MIPOL1: variants seen among roughly 807,000 people sequenced by gnomAD.
MIPOL1 encodes mirror-image polydactyly gene 1 protein.
A neutral mutation model predicts 60.9 loss-of-function variants in MIPOL1; 57 were observed. The observed-to-expected ratio is 0.94, with a 90% CI of 0.76 to 1.17. The LOEUF is 1.17. MIPOL1 is among the 50% of genes most tolerant of loss of function. MIPOL1 has a pLI of 0.00. For missense variants in MIPOL1, 551 were observed against 511.6 expected (o/e 1.08, Z -0.74); for synonymous variants, 179 against 168.8 (o/e 1.06, Z -0.47).
chr14:37,492,740 T>G (rs180752196), intron 11 of MIPOL1, among the ~76,000 whole-genome samples: 82 of 151,688 alleles, frequency 5.4e-4, no homozygotes, highest in African/African-American at 1.9e-3. Context: ...CAACATCTCT[T>G]CATCTACACC....
intron 12 of MIPOL1, among the ~76,000 whole-genome samples, chr14:37,520,615 T>C (rs1341292768): frequency 6.6e-6 from 1 of 152,180 alleles, no homozygotes; most frequent in African/African-American, 2.4e-5. Flanking sequence ...CTCTTGAATC[T>C]CTTCAATGTA....
intron 11 of MIPOL1, among the ~76,000 whole-genome samples, chr14:37,440,092 C>T (rs2094218248): frequency 6.6e-6 from 1 of 152,152 alleles, no homozygotes; most frequent in Admixed American, 6.6e-5. Context: ...AGTGCTTCTC[C>T]CAGCTCAGCT....
At chr14:37,225,029 A>G (rs1400476475) in intron 1 of MIPOL1, among the ~76,000 whole-genome samples, 1 of 152,096 alleles carries the variant, frequency 6.6e-6, no homozygotes, top group African/African-American at 2.4e-5. Flanking sequence ...TTCCAGAATG[A>G]TCTCCTTTGA....
At chr14:37,484,144 A>C (rs1266127710) in intron 11 of MIPOL1, among the ~76,000 whole-genome samples, 1 of 152,022 alleles carries the variant, frequency 6.6e-6, no homozygotes, top group East Asian at 1.9e-4. Context: ...TAGTTTTTTG[A>C]AGTTTAATTG....
chr14:37,226,873 A>T (rs1375963155), intron 1 of MIPOL1, among the ~76,000 whole-genome samples: 1 of 152,182 alleles, frequency 6.6e-6, no homozygotes, highest in Non-Finnish European at 1.5e-5. Context: ...GGGTAGTGTG[A>T]GAAATACTCC....
intron 12 of MIPOL1, chr14:37,505,517 C>G (rs1033476188): frequency 6.6e-6 from 1 of 152,204 alleles, no homozygotes; most frequent in African/African-American, 2.4e-5. Flanking sequence ...ATGATTATCT[C>G]ATTAGATGCA....
intron 9 of MIPOL1, among the ~76,000 whole-genome samples, chr14:37,347,270 T>A (rs1355224554): frequency 6.6e-6 from 1 of 151,666 alleles, no homozygotes; most frequent in South Asian, 2.1e-4. Flanking sequence ...TGAATAGGCA[T>A]ATAAAAAAGG....
At chr14:37,300,343 A>G (rs1285405185) in intron 7 of MIPOL1, among the ~76,000 whole-genome samples, 3 of 142,590 alleles carry the variant, frequency 2.1e-5, no homozygotes, top group Non-Finnish European at 3.1e-5. Flanking sequence ...TTATTCAGCC[A>G]TTTGTGTCAG....
chr14:37,202,275 G>A (rs1965459711), intron 1 of MIPOL1, among the ~76,000 whole-genome samples: 1 of 151,954 alleles, frequency 6.6e-6, no homozygotes. Flanking sequence ...TTACTTGATT[G>A]TTATGCAGAT....
chr14:37,325,946 G>A (rs2089116554), intron 9 of MIPOL1, among the ~76,000 whole-genome samples: 3 of 152,256 alleles, frequency 2.0e-5, no homozygotes, highest in South Asian at 2.1e-4. Flanking sequence ...GTCCTCCCGC[G>A]AAAGCTTTTC....
chr14:37,521,608 G>T (rs987743817), intron 12 of MIPOL1, among the ~76,000 whole-genome samples: 1 of 151,862 alleles, frequency 6.6e-6, no homozygotes, highest in Non-Finnish European at 1.5e-5. Context: ...AAAAAATTAC[G>T]CTCTAAAACA....
chr14:37,404,075 A>G (rs2093542022), intron 10 of MIPOL1, among the ~76,000 whole-genome samples: 1 of 152,200 alleles, frequency 6.6e-6, no homozygotes, highest in African/African-American at 2.4e-5. Flanking sequence ...AAAAACATGT[A>G]ATTAATGGTA....
intron 10 of MIPOL1, among the ~76,000 whole-genome samples, chr14:37,410,675 A>T (rs946666394): frequency 2.0e-5 from 3 of 152,178 alleles, no homozygotes; most frequent in South Asian, 2.1e-4. Flanking sequence ...AATACATTTT[A>T]AAAATAGCAA....
intron 10 of MIPOL1, among the ~76,000 whole-genome samples, chr14:37,373,349 T>C (rs866270268): frequency 6.6e-6 from 1 of 152,180 alleles, no homozygotes; most frequent in Non-Finnish European, 1.5e-5. Flanking sequence ...GATGTAAATA[T>C]GTAGACATCA....
chr14:37,226,688 C>T (rs1333623597), intron 1 of MIPOL1, among the ~76,000 whole-genome samples: 1 of 152,068 alleles, frequency 6.6e-6, no homozygotes, highest in Non-Finnish European at 1.5e-5. Flanking sequence ...CCTTTAGTCC[C>T]AGTAACTCAG....
chr14:37,277,707 A>G (rs895511004), intron 6 of MIPOL1: 3 of 151,352 alleles, frequency 2.0e-5, no homozygotes, highest in African/African-American at 7.2e-5. Context: ...AAAATTTGAC[A>G]ATATATATTA....
chr14:37,444,601 C>A (rs1014529722), intron 11 of MIPOL1, among the ~76,000 whole-genome samples: 1 of 152,078 alleles, frequency 6.6e-6, no homozygotes, highest in Non-Finnish European at 1.5e-5. Context: ...TGGAGGAATA[C>A]CTGATTTCAA....
intron 11 of MIPOL1, among the ~76,000 whole-genome samples, chr14:37,440,570 TC>T (rs1303729667): frequency 6.6e-6 from 1 of 152,184 alleles, no homozygotes; most frequent in Non-Finnish European, 1.5e-5. Flanking sequence ...GATAATGACT[TC>T]CGGTTCCATT....
At chr14:37,311,427 G>A (rs571475010) in intron 9 of MIPOL1, among the ~76,000 whole-genome samples, 1 of 152,216 alleles carries the variant, frequency 6.6e-6, no homozygotes, top group South Asian at 2.1e-4. Flanking sequence ...GGTAATATTT[G>A]CTGACAAGTT....
Sources: gnomAD v4.1 joint callset for allele counts (sites outside exome capture counted in the v4.1 genomes callset) on GRCh38, gnomAD v4.1.1 for gene constraint, MANE v1.5 for transcripts, NCBI Gene and HGNC (gene_info 2026-07-23, HGNC 2026-07-21) for gene names.